The following SHISA5 variants were observed in gnomAD, a reference collection of about 807,000 sequenced individuals.
SHISA5 encodes protein shisa-5.
In SHISA5, 21 loss-of-function variants were observed where a neutral mutation model predicts 27.5. The observed-to-expected ratio is 0.76, with a 90% CI of 0.54 to 1.10. The LOEUF (loss-of-function observed/expected upper bound fraction) is 1.10, where lower values mean the gene tolerates loss of function less well. SHISA5 is among the 50% of genes least tolerant of loss of function. SHISA5 has a pLI of 0.00. For synonymous variants in SHISA5, 137 were observed against 142.2 expected (o/e 0.96, Z 0.26); for missense variants, 314 against 336.3 (o/e 0.93, Z 0.52).
chr3:48,498,682 CCAG>C, intron 2 of SHISA5, among the ~76,000 whole-genome samples: 1 of 126,550 alleles, frequency 7.9e-6, no homozygotes. Context: ...CAGACTGTCT[CCAG>C]AAAGAAAAAA....
chr3:48,503,394 C>T (rs989180821), intron 1 of SHISA5, among the ~76,000 whole-genome samples: 1 of 152,228 alleles, frequency 6.6e-6, no homozygotes, highest in Non-Finnish European at 1.5e-5. Flanking sequence ...ATACAGCCTT[C>T]CCCTCCACGA....
intron 1 of SHISA5, chr3:48,503,025 C>A: frequency 9.0e-7 from 1 of 1,113,888 alleles, no homozygotes; most frequent in Non-Finnish European, 1.2e-6. Context: ...CCAGGCAGAA[C>A]CCTGCTCTGG....
At chr3:48,496,907 T>C (rs966588619) in intron 2 of SHISA5, among the ~76,000 whole-genome samples, 5 of 151,976 alleles carry the variant, frequency 3.3e-5, no homozygotes, top group African/African-American at 1.2e-4. Flanking sequence ...TGTTAATGCA[T>C]TGGAAAACTC....
rs1478326615 is a variant in SHISA5 at position 48,490,152 on chromosome 3, C to A, written c.234-10895G>T. The stretch of plus-strand genomic sequence containing the variant: ...GCAATGGCGCAATCTCGGTTCACTA[C>A]AACCTCCACCTCCTGGGTTCAAGCG... On this transcript the variant is annotated intron_variant, in intron 2 of 5. Transcript: ENST00000296444. Among the ~76,000 whole-genome samples, 3 of 152,284 alleles carry A rather than the reference C, an allele frequency of 2.0e-5. No homozygotes were observed. The East Asian group carries it at 5.8e-4, about 29-fold the overall frequency.
intron 2 of SHISA5, among the ~76,000 whole-genome samples, chr3:48,487,630 C>T (rs2041290607): frequency 6.6e-6 from 1 of 152,170 alleles, no homozygotes; most frequent in African/African-American, 2.4e-5. Flanking sequence ...CGCAGTGGCT[C>T]ACATCTGTAA....
At chr3:48,486,490 A>G (rs1220421772) in intron 2 of SHISA5, among the ~76,000 whole-genome samples, 1 of 110,636 alleles carries the variant, frequency 9.0e-6, no homozygotes, top group Non-Finnish European at 1.7e-5. Flanking sequence ...ATTACATATT[A>G]TATATATTTA....
upstream of SHISA5, chr3:48,504,297 A>AG: frequency 2.7e-6 from 1 of 367,162 alleles, no homozygotes. The surrounding 1 kb of genome is among the most constrained non-coding windows in gnomAD (Gnocchi z 4.0). Flanking sequence ...AGGAGGAGGA[A>AG]GGAAGGAAGC....
At chr3:48,501,064 A>C (rs1575335207) in intron 2 of SHISA5, 73 bp downstream of exon 2, 45 of 1,447,150 alleles carry the variant, frequency 3.1e-5, no homozygotes, top group Non-Finnish European at 3.8e-5. Context: ...GGGCAGAGCT[A>C]TCTCTCTTCC....
chr3:48,486,003 A>T (rs1299617776), intron 2 of SHISA5, among the ~76,000 whole-genome samples: 10 of 151,064 alleles, frequency 6.6e-5, no homozygotes, highest in South Asian at 2.1e-4. Flanking sequence ...TAGACGGCTC[A>T]GCCTCTAATA....
Position 48,468,310 on chromosome 3 carries a change from G to C in SHISA5, c.*797C>G. The C allele has an allele frequency of 9.7e-7, 1 of 1,026,930 alleles. No homozygotes were observed. Among genetic ancestry groups the C allele is most frequent in the Non-Finnish European group, 1.2e-6 (1 of 854,692 alleles). 63.6% of individuals were successfully genotyped at this position (1,026,930 alleles called of 1,614,324 possible). On this transcript the variant is annotated 3_prime_UTR_variant, in exon 6 of 6. Coordinates refer to ENST00000296444, the MANE Select transcript of SHISA5 (RefSeq NM_016479.6). The stretch of plus-strand genomic sequence containing the variant: ...GAGAACTGAGTGTGCTGGTGGACAG[G>C]AGCCCTGCTCACCTGTGGGAAGGGC...
chr3:48,478,701 T>C (rs2040902666), intron 3 of SHISA5, among the ~76,000 whole-genome samples: 2 of 152,120 alleles, frequency 1.3e-5, no homozygotes, highest in Admixed American at 6.6e-5. Context: ...TGTGGCATCA[T>C]TGGTTGTCCC....
At chr3:48,481,587 G>A (rs918104417) in intron 2 of SHISA5, among the ~76,000 whole-genome samples, 1 of 150,670 alleles carries the variant, frequency 6.6e-6, no homozygotes, top group African/African-American at 2.4e-5. Flanking sequence ...TCAGGAGTTC[G>A]AGACCAGCCT....
intron 2 of SHISA5, chr3:48,479,529 A>G: frequency 2.0e-6 from 1 of 490,462 alleles, no homozygotes; most frequent in South Asian, 3.5e-5. Flanking sequence ...CATACAAAGG[A>G]TCTTCTCTGA....
intron 2 of SHISA5, among the ~76,000 whole-genome samples, chr3:48,488,646 C>G (rs1029650146): frequency 3.0e-4 from 45 of 150,910 alleles, no homozygotes; most frequent in African/African-American, 1.1e-3. Flanking sequence ...CCAGCCTGGC[C>G]AACATGGAGA....
At chr3:48,477,237 G>A (rs1560122509) in intron 3 of SHISA5, 1 of 359,976 alleles carries the variant, frequency 2.8e-6, no homozygotes, top group Non-Finnish European at 5.4e-6. Context: ...TGGAATTACA[G>A]GCACCCGCCA....
chr3:48,477,889 G>A (rs2040875565), intron 3 of SHISA5, among the ~76,000 whole-genome samples: 1 of 152,166 alleles, frequency 6.6e-6, no homozygotes, highest in Non-Finnish European at 1.5e-5. Flanking sequence ...CAGCGCCTCT[G>A]GCCAGGAAGC....
At position 48,473,310 on chromosome 3, in the gene SHISA5, C is replaced by T; in HGVS notation, c.315-3467G>A. 7.2e-7 allele frequency: 1 copy of T among 1,393,468 alleles called. No homozygotes were observed. Among genetic ancestry groups the T allele is most frequent in the East Asian group, 3.1e-5 (1 of 32,068 alleles). The allele number at this position is 1,393,468 out of a possible 1,614,324, so 86.3% of individuals were successfully genotyped here. On this transcript the variant is annotated intron_variant, in intron 3 of 5. Transcript: ENST00000296444. This position sits in a 1 kb window ranked among gnomAD's most constrained non-coding sequence, Gnocchi z 4.3. ...CCAGAGCTGCCTCCCTGAGCCAAGC[C>T]TACAGGGCCTGACCTCAGAATGCAG...
intron 2 of SHISA5, among the ~76,000 whole-genome samples, chr3:48,486,140 T>A (rs1485549134): frequency 6.8e-6 from 1 of 146,060 alleles, no homozygotes; most frequent in Non-Finnish European, 1.5e-5. Context: ...AATGTGATGT[T>A]AGGCACACAA....
chr3:48,501,116 G>A, intron 2 of SHISA5, 21 bp downstream of exon 2: 1 of 1,600,300 alleles, frequency 6.2e-7, no homozygotes, highest in Non-Finnish European at 8.5e-7. Flanking sequence ...CACCCACCCT[G>A]TGACCCACTG....
Sources: gnomAD v4.1 joint callset for allele counts (sites outside exome capture counted in the v4.1 genomes callset) on GRCh38, gnomAD v4.1.1 for gene constraint, Gnocchi (gnomAD v3.1) non-coding constraint, MANE v1.5 for transcripts, NCBI Gene and HGNC (gene_info 2026-07-23, HGNC 2026-07-21) for gene names.